The following MARCHF1 variants were observed in gnomAD, a reference collection of about 807,000 sequenced individuals.
MARCHF1 encodes the protein membrane associated ring-CH-type finger 1.
A neutral mutation model predicts 54.2 loss-of-function variants in MARCHF1; 40 were observed. The observed-to-expected ratio is 0.74, with a 90% confidence interval of 0.57 to 0.96. The LOEUF (loss-of-function observed/expected upper bound fraction) is 0.96. Ranked by LOEUF, MARCHF1 falls within the 40% of genes least tolerant of loss-of-function variation. MARCHF1 has a pLI of 0.00. For missense variants in MARCHF1, 586 were observed against 656.5 expected, an observed-to-expected ratio of 0.89 and a Z score of 1.17; for synonymous variants, 236 against 236.3, an observed-to-expected ratio of 1.00 and a Z score of 0.01.
At chr4:164,061,684 TAATAA>T (rs1461170795) in intron 2 of MARCHF1, among the ~76,000 whole-genome samples, 2 of 150,724 alleles carry the variant, frequency 1.3e-5, no homozygotes, top group Non-Finnish European at 2.9e-5. Context: ...AGTATAATAA[TAATAA>T]AATAAAAATT....
At chr4:164,195,444 C>T (rs1897221) in intron 1 of MARCHF1, among the ~76,000 whole-genome samples, 56,604 of 151,960 alleles carry the variant, frequency 0.37, 12,070 homozygotes, top group Non-Finnish European at 0.49. Context: ...TATAATCAAA[C>T]TAAGTAAGAT....
chr4:164,042,403 A>T (rs940725726), intron 2 of MARCHF1, among the ~76,000 whole-genome samples: 1 of 152,156 alleles, frequency 6.6e-6, no homozygotes, highest in South Asian at 2.1e-4. Flanking sequence ...GAAAGAAAGC[A>T]CCTTCTTATG....
At chr4:163,592,963 C>T (rs1393507828) in intron 7 of MARCHF1, among the ~76,000 whole-genome samples, 6 of 152,070 alleles carry the variant, frequency 3.9e-5, no homozygotes, top group Non-Finnish European at 5.9e-5. Flanking sequence ...CTGTCCAAAT[C>T]CTCCAAATCA....
chr4:164,350,705 GT>G (rs1299178693), intron 1 of MARCHF1, among the ~76,000 whole-genome samples: 1 of 152,196 alleles, frequency 6.6e-6, no homozygotes, highest in African/African-American at 2.4e-5. Context: ...ATAGTACAAT[GT>G]TACCTTTCCT....
At chr4:163,815,902 A>T (rs1294957077) in intron 4 of MARCHF1, among the ~76,000 whole-genome samples, 1 of 152,320 alleles carries the variant, frequency 6.6e-6, no homozygotes, top group East Asian at 1.9e-4. Flanking sequence ...ATCTTTTTCA[A>T]TAATCTTAAC....
intron 1 of MARCHF1, among the ~76,000 whole-genome samples, chr4:164,280,351 A>G (rs766572022): frequency 6.6e-6 from 1 of 152,054 alleles, no homozygotes; most frequent in Non-Finnish European, 1.5e-5. Flanking sequence ...TTCCAACACA[A>G]TAATAGAAAA....
chr4:163,813,742 T>A (rs1010235800), intron 4 of MARCHF1, among the ~76,000 whole-genome samples: 1 of 152,164 alleles, frequency 6.6e-6, no homozygotes, highest in African/African-American at 2.4e-5. Context: ...TAAAAAAACA[T>A]TTCTAGCATG....
chr4:163,583,816 AT>A (rs34076972), intron 8 of MARCHF1: 69,296 of 146,608 alleles, frequency 0.47, 16,140 homozygotes, highest in East Asian at 0.53. Flanking sequence ...TGCCAGGTTA[AT>A]TTTTTTTTTT....
At chr4:164,146,923 C>T (rs75984129) in intron 1 of MARCHF1, among the ~76,000 whole-genome samples, 1 of 147,494 alleles carries the variant, frequency 6.8e-6, no homozygotes, top group East Asian at 2.0e-4. Flanking sequence ...CAACCTACTC[C>T]TCTGACAAAG....
Position 163,921,722 on chromosome 4 carries a change from T to C in MARCHF1, c.-39+66779A>G, listed in dbSNP as rs565763304. Among the ~76,000 whole-genome samples, 257 of 152,266 alleles carry C rather than the reference T, an allele frequency of 1.7e-3. 1 individual carries two copies. The highest frequency in any genetic ancestry group is 5.7e-3 in the African/African-American group (237 of 41,576). ...ATGATTAATTAGAACTGTTTAATTA[T>C]CAGGAAATCAAGAATTAAATTTTTG... On this transcript the variant is annotated intron_variant, in intron 3 of 9. Transcript: ENST00000514618.
chr4:163,922,204 G>A (rs943409615), intron 3 of MARCHF1, among the ~76,000 whole-genome samples: 5 of 150,934 alleles, frequency 3.3e-5, no homozygotes, highest in South Asian at 2.1e-4. Context: ...CACACGCCGG[G>A]GCCTGTTGTG....
intron 7 of MARCHF1, among the ~76,000 whole-genome samples, chr4:163,594,530 T>A (rs548370913): frequency 4.0e-5 from 6 of 149,462 alleles, no homozygotes; most frequent in Non-Finnish European, 8.9e-5. Flanking sequence ...AAACTAACTT[T>A]AATTGTATTT....
intron 4 of MARCHF1, among the ~76,000 whole-genome samples, chr4:163,739,101 T>C (rs1221763296): frequency 6.6e-6 from 1 of 152,230 alleles, no homozygotes; most frequent in Non-Finnish European, 1.5e-5. Flanking sequence ...TCAACAAATA[T>C]AATTTTATAG....
chr4:164,232,878 C>T (rs1327477161), intron 1 of MARCHF1, among the ~76,000 whole-genome samples: 2 of 152,116 alleles, frequency 1.3e-5, no homozygotes, highest in Non-Finnish European at 2.9e-5. Flanking sequence ...CCTATAGACA[C>T]GTGCTGTATT....
chr4:164,132,469 A>C (rs552686208), intron 1 of MARCHF1, among the ~76,000 whole-genome samples: 1 of 152,278 alleles, frequency 6.6e-6, no homozygotes, highest in East Asian at 1.9e-4. Context: ...GATTTTCTTC[A>C]TATTGCATTA....
At chr4:164,243,922 T>C (rs1255298234) in intron 1 of MARCHF1, among the ~76,000 whole-genome samples, 1 of 152,018 alleles carries the variant, frequency 6.6e-6, no homozygotes, top group Non-Finnish European at 1.5e-5. Flanking sequence ...CCTAAATATA[T>C]ATGCACCCAA....
At position 164,241,802 on chromosome 4, in the gene MARCHF1, T is replaced by C. The variant is rs548221224; in HGVS notation, c.-322-130140A>G. 1.3e-3 allele frequency among the ~76,000 whole-genome samples: 193 copies of C among 152,292 alleles called. 1 individual carries two copies. In the Middle Eastern group the frequency reaches 0.014, roughly 11 times the overall value. On this transcript the variant is annotated intron_variant, in intron 1 of 9. Coordinates refer to ENST00000514618, the MANE Select transcript of MARCHF1 (RefSeq NM_001394959.1). ...GCGCGAGCCGAAGCAGGGCGAGGCA[T>C]TGCCTCACTTGGGAAGCACAAGAGG...
intron 4 of MARCHF1, among the ~76,000 whole-genome samples, chr4:163,833,101 T>C (rs1387714150): frequency 6.6e-5 from 10 of 152,148 alleles, no homozygotes. Context: ...TTTGGGTATA[T>C]ACCCAGTAAT....
rs79570870 is a variant in MARCHF1 at position 163,787,256 on chromosome 4, A to T, written c.111+66765T>A. Among the ~76,000 whole-genome samples the T allele has an allele frequency of 3.7e-3, 567 of 151,876 alleles. 3 individuals are homozygous for T. The highest frequency in any genetic ancestry group is 0.013 in the African/African-American group (539 of 41,530). On this transcript the variant is annotated intron_variant, in intron 4 of 9. Coordinates refer to ENST00000514618, the MANE Select transcript of MARCHF1 (RefSeq NM_001394959.1). ...ACTCCATCAAACTTAAATCCTTCTA[A>T]GCATCAAAATGGACAATCAACAAAG...
Sources: allele counts gnomAD v4.1 joint callset (sites outside exome capture counted in the v4.1 genomes callset), GRCh38; gene constraint gnomAD v4.1.1; transcripts MANE v1.5; gene names NCBI Gene and HGNC (gene_info 2026-07-23, HGNC 2026-07-21).